The following DACH1 variants were observed in gnomAD, a reference collection of about 807,000 sequenced individuals.
DACH1 encodes dachshund family transcription factor 1, also known as dachshund homolog 1.
DACH1 carries 12 observed loss-of-function variants against 54.2 expected under a neutral mutation model. That is an observed-to-expected ratio of 0.22 (90% confidence interval 0.14 to 0.36). DACH1 has a LOEUF of 0.36. DACH1 is among the 10% of genes least tolerant of loss of function. The probability of loss-of-function intolerance (pLI) is 1.00; values close to 1 mark genes in which losing one functional copy is unlikely to be tolerated. For synonymous variants in DACH1, 386 were observed against 366.2 expected, an observed-to-expected ratio of 1.05 and a Z score of -0.62; for missense variants, 805 against 929.8, an observed-to-expected ratio of 0.87 and a Z score of 1.75.
intron 1 of DACH1, chr13:71,704,234 T>C (rs955900108): frequency 1.2e-5 from 3 of 256,920 alleles, no homozygotes; most frequent in African/African-American, 6.9e-5. Context: ...TCTCTAGGCC[T>C]TTGAGACAAC....
At chr13:71,559,702 C>T (rs927433354) in intron 5 of DACH1, 118 bp downstream of exon 5, 3 of 1,316,094 alleles carry the variant, frequency 2.3e-6, no homozygotes, top group Non-Finnish European at 3.2e-6. Context: ...GCTATTGCTA[C>T]AGAGTTTCAG....
chr13:71,595,793 C>A (rs1260726663), intron 3 of DACH1, among the ~76,000 whole-genome samples: 1 of 152,074 alleles, frequency 6.6e-6, no homozygotes. Context: ...AGAGCACAAA[C>A]CCCATTCATT....
At chr13:71,516,476 C>T (rs887734013) in intron 6 of DACH1, among the ~76,000 whole-genome samples, 2 of 151,848 alleles carry the variant, frequency 1.3e-5, no homozygotes, top group Non-Finnish European at 2.9e-5. Context: ...TGTATTTTAG[C>T]AGCATGTTTA....
chr13:71,737,103 T>G (rs1884165380), intron 1 of DACH1, among the ~76,000 whole-genome samples: 1 of 151,562 alleles, frequency 6.6e-6, no homozygotes, highest in Non-Finnish European at 1.5e-5. Context: ...ATACAAAAAT[T>G]AGCCAGCTAC....
At chr13:71,728,247 T>C (rs1433140372) in intron 1 of DACH1, among the ~76,000 whole-genome samples, 1 of 152,022 alleles carries the variant, frequency 6.6e-6, no homozygotes, top group African/African-American at 2.4e-5. Context: ...TTTGGTAACA[T>C]GAGGGATTTT....
intron 1 of DACH1, among the ~76,000 whole-genome samples, chr13:71,749,736 G>A (rs923326225): frequency 6.6e-6 from 1 of 152,082 alleles, no homozygotes; most frequent in South Asian, 2.1e-4. Context: ...ACTGTTAGTC[G>A]TTTATACCAT....
intron 7 of DACH1, among the ~76,000 whole-genome samples, chr13:71,484,303 G>A (rs1878298081): frequency 6.6e-6 from 1 of 152,110 alleles, no homozygotes; most frequent in South Asian, 2.1e-4. Context: ...TAATAGCTGG[G>A]ACTGTGGGCA....
intron 1 of DACH1, among the ~76,000 whole-genome samples, chr13:71,753,661 C>T (rs1885017809): frequency 6.6e-6 from 1 of 152,194 alleles, no homozygotes; most frequent in Non-Finnish European, 1.5e-5. Flanking sequence ...GCCTACCTAA[C>T]TTGCTTCGCA....
intron 1 of DACH1, among the ~76,000 whole-genome samples, chr13:71,790,243 A>C (rs1886777688): frequency 6.6e-6 from 1 of 152,250 alleles, no homozygotes; most frequent in Admixed American, 6.5e-5. Context: ...AGAAAAACAA[A>C]CGAATGCTTT....
chr13:71,548,314 A>G (rs1883590089), intron 6 of DACH1, among the ~76,000 whole-genome samples: 1 of 152,208 alleles, frequency 6.6e-6, no homozygotes, highest in South Asian at 2.1e-4. Context: ...AAATATATGC[A>G]GTTTCAGATA....
intron 1 of DACH1, among the ~76,000 whole-genome samples, chr13:71,850,402 A>G (rs1265013452): frequency 6.6e-6 from 1 of 152,156 alleles, no homozygotes; most frequent in Non-Finnish European, 1.5e-5. Flanking sequence ...TGTCCAAACC[A>G]TGCATTTCCC....
intron 6 of DACH1, among the ~76,000 whole-genome samples, chr13:71,526,719 T>C (rs1038202271): frequency 6.6e-6 from 1 of 150,384 alleles, no homozygotes; most frequent in African/African-American, 2.4e-5. Context: ...TATATATATA[T>C]ATATATAGGT....
chr13:71,801,655 C>A (rs1330754988), intron 1 of DACH1, among the ~76,000 whole-genome samples: 2 of 152,014 alleles, frequency 1.3e-5, no homozygotes, highest in Non-Finnish European at 2.9e-5. Flanking sequence ...AAATACAGAG[C>A]ATTTCTGGTT....
rs1455072828 is a variant in DACH1 at position 71,616,781 on chromosome 13, G to T, written c.1126+13775C>A. The stretch of plus-strand genomic sequence containing the variant: ...AGAATAGGGTATTGGATTCAGAATA[G>T]TGTAAAAGTGGGAATATCTATATAT... On this transcript the variant is annotated intron_variant, in intron 3 of 10. Coordinates refer to ENST00000613252, the MANE Select transcript of DACH1 (RefSeq NM_080759.6). Among the ~76,000 whole-genome samples the T allele has an allele frequency of 2.0e-5, 3 of 151,840 alleles. No individual in the cohort carries two copies. In the East Asian group the frequency reaches 5.8e-4, roughly 29 times the overall value.
At chr13:71,779,111 A>G (rs1476630415) in intron 1 of DACH1, among the ~76,000 whole-genome samples, 1 of 71,640 alleles carries the variant, frequency 1.4e-5, no homozygotes, top group Non-Finnish European at 3.1e-5. Flanking sequence ...ATATATATAT[A>G]CATATATACA....
intron 10 of DACH1, among the ~76,000 whole-genome samples, chr13:71,470,965 C>T (rs1877016053): frequency 6.6e-6 from 1 of 152,148 alleles, no homozygotes; most frequent in African/African-American, 2.4e-5. Context: ...AGAGGCAGAA[C>T]TAGTCCCAGG....
chr13:71,858,442 C>T (rs899255529), intron 1 of DACH1, among the ~76,000 whole-genome samples: 2 of 151,724 alleles, frequency 1.3e-5, no homozygotes, highest in African/African-American at 4.8e-5. Flanking sequence ...TGGCCTATTG[C>T]AGTATTTGCT....
chr13:71,741,382 T>G (rs1884377831), intron 1 of DACH1, among the ~76,000 whole-genome samples: 1 of 152,196 alleles, frequency 6.6e-6, no homozygotes, highest in African/African-American at 2.4e-5. Context: ...AAACAAGAAC[T>G]TTGTTCGTCT....
In DACH1 at chr13:71,489,055, G is replaced by T; in HGVS notation, c.1664C>A (p.Ser555Tyr). ...HGQPLPPGFP[S>Y]PFLFPDGLSS... ...CAGTCCATCAGGAAACAGAAAAGGA[G>T]ATGGAAAACCTGGAGGCAGTGGTTG... is the stretch of plus-strand genomic sequence containing the variant. The change falls in exon 7 of 11, where the codon TCT (serine) becomes TAT (tyrosine). Residue 555 changes from serine to tyrosine, a missense_variant. Physicochemically the swap from Ser to Tyr is moderately radical, Grantham distance 144. This residue lies in a region of DACH1 where 472 missense variants were observed against 545.3 expected (regional missense o/e 0.87). Coordinates refer to ENST00000613252, the MANE Select transcript of DACH1 (RefSeq NM_080759.6). 6.2e-7 allele frequency: 1 copy of T among 1,613,888 alleles called. No homozygotes were observed. Among genetic ancestry groups the T allele is most frequent in the African/African-American group, 1.3e-5 (1 of 75,006 alleles).
Sources: gnomAD v4.1 joint callset for allele counts (sites outside exome capture counted in the v4.1 genomes callset) on GRCh38, gnomAD v4.1.1 for gene constraint, gnomAD v4.1.1 regional missense constraint, MANE v1.5 for transcripts, NCBI Gene and HGNC (gene_info 2026-07-23, HGNC 2026-07-21) for gene names.